Variants in TUBGCP3 observed in about 807,000 individuals in gnomAD.
TUBGCP3 encodes gamma-tubulin complex component 3.
TUBGCP3 carries 50 observed loss-of-function variants against 123.1 expected under a neutral mutation model. The ratio of observed to expected loss-of-function variants is 0.41; its 90% confidence interval spans 0.32 to 0.51. The LOEUF is 0.51. Ranked by LOEUF, TUBGCP3 falls within the 20% of genes least tolerant of loss-of-function variation. TUBGCP3 has a pLI of 0.36. For synonymous variants in TUBGCP3, 405 were observed against 413.9 expected (o/e 0.98, Z 0.26); for missense variants, 882 against 1,127.0 (o/e 0.78, Z 3.11).
At chr13:112,509,703 T>C (rs17120218) in intron 17 of TUBGCP3, among the ~76,000 whole-genome samples, 29,796 of 152,148 alleles carry the variant, frequency 0.2, 3,249 homozygotes, top group African/African-American at 0.28. Context: ...ACGCTGCTAC[T>C]GAAAAGAAAC....
intron 11 of TUBGCP3, among the ~76,000 whole-genome samples, chr13:112,534,685 A>G (rs1173786495): frequency 1.3e-5 from 2 of 152,024 alleles, no homozygotes; most frequent in Non-Finnish European, 2.9e-5. Flanking sequence ...CCTAGCAGGG[A>G]GGAAGAAGAC....
At chr13:112,567,892 G>C (rs1881079463) in intron 2 of TUBGCP3, among the ~76,000 whole-genome samples, 1 of 152,208 alleles carries the variant, frequency 6.6e-6, no homozygotes, top group African/African-American at 2.4e-5. Context: ...TTATCACTAA[G>C]ACCCAAGGCC....
chr13:112,524,682 C>A lies in TUBGCP3; in HGVS notation c.1556-2173G>T, dbSNP rs1297462283. Among the ~76,000 whole-genome samples, 1 of 152,160 alleles carries A rather than the reference C, an allele frequency of 6.6e-6. No homozygotes were observed. Among genetic ancestry groups the A allele is most frequent in the Non-Finnish European group, 1.5e-5 (1 of 68,028 alleles). On this transcript the variant is annotated intron_variant, in intron 13 of 21. Coordinates refer to ENST00000261965, the MANE Select transcript of TUBGCP3 (RefSeq NM_006322.6). This position sits in a 1 kb window ranked among gnomAD's most constrained non-coding sequence, Gnocchi z 4.4. ...CTGAATGCTTTAGGGTGAGAGGGCC[C>A]ATGGCTCTCACATGCCTGGAAAGGG...
intron 1 of TUBGCP3, among the ~76,000 whole-genome samples, chr13:112,581,982 C>G (rs375820135): frequency 1.3e-5 from 2 of 152,258 alleles, no homozygotes; most frequent in African/African-American, 2.4e-5. Flanking sequence ...TCTTACCAAC[C>G]AAATTTCCAG....
intron 19 of TUBGCP3, among the ~76,000 whole-genome samples, chr13:112,499,494 C>CA (rs1880756935): frequency 6.6e-6 from 1 of 151,970 alleles, no homozygotes; most frequent in Non-Finnish European, 1.5e-5. Flanking sequence ...CACAAGTTTA[C>CA]AAAAATGAAG....
rs1298969364 is a variant in TUBGCP3, at chr13:112,522,487, C to G, written c.1578G>C (p.Leu526Phe). Residue 526 changes from leucine (L) to phenylalanine (F), a missense_variant, in exon 14 of 22, where the codon TTG becomes TTC. Leu to Phe is a conservative substitution (Grantham distance 22, BLOSUM62 0). Coordinates refer to ENST00000261965, the MANE Select transcript of TUBGCP3 (RefSeq NM_006322.6). ...PQDAADLFTD[L>F]ENAFQGKIDA... ...CAATCTTCCCCTGAAATGCATTTTCCAAGTCTGTGAATAGGTCTGCAGCTG... is the reference window on the plus strand; with the variant it reads ...CAATCTTCCCCTGAAATGCATTTTCGAAGTCTGTGAATAGGTCTGCAGCTG... 1.2e-6 allele frequency: 2 copies of G among 1,613,292 alleles called. No homozygotes were observed. The highest frequency in any genetic ancestry group is 2.2e-5 in the East Asian group (1 of 44,894).
chr13:112,557,472 C>G (rs1880136662), intron 5 of TUBGCP3, among the ~76,000 whole-genome samples: 1 of 152,184 alleles, frequency 6.6e-6, no homozygotes, highest in African/African-American at 2.4e-5. Context: ...CACTGTTTTT[C>G]TGGAAAAATA....
At chr13:112,486,260 C>T (rs1879665449) in intron 21 of TUBGCP3, 109 bp from the exon 22 acceptor site, 1 of 1,353,386 alleles carries the variant, frequency 7.4e-7, no homozygotes, top group African/African-American at 1.5e-5. Context: ...CCTTCCAGAT[C>T]AACAGGCCCT....
intron 1 of TUBGCP3, among the ~76,000 whole-genome samples, chr13:112,585,697 G>T (rs1416462641): frequency 6.6e-6 from 1 of 152,096 alleles, no homozygotes; most frequent in Admixed American, 6.6e-5. Context: ...ACTTGAAGGA[G>T]GCAGAGGTTG....
At chr13:112,566,147 T>G (rs1594211000) in intron 2 of TUBGCP3, among the ~76,000 whole-genome samples, 1 of 152,234 alleles carries the variant, frequency 6.6e-6, no homozygotes, top group Non-Finnish European at 1.5e-5. Context: ...TTCTGTTCCA[T>G]GAAGGAGGAG....
At chr13:112,565,782 A>C (rs1295518286) in intron 2 of TUBGCP3, among the ~76,000 whole-genome samples, 1 of 152,110 alleles carries the variant, frequency 6.6e-6, no homozygotes, top group Non-Finnish European at 1.5e-5. Flanking sequence ...AAAAATACAA[A>C]AAATTAGCTG....
the TUBGCP3 span, among the ~76,000 whole-genome samples, chr13:112,598,212 T>C: frequency 6.6e-6 from 1 of 151,878 alleles, no homozygotes; most frequent in Non-Finnish European, 1.5e-5. Flanking sequence ...CCTAAATATA[T>C]TTTACAAAGA....
chr13:112,547,262 A>G (rs1879088819), intron 10 of TUBGCP3: 1 of 397,680 alleles, frequency 2.5e-6, no homozygotes, highest in African/African-American at 2.1e-5. Flanking sequence ...AGGACCACAC[A>G]AGAGAGAAAT....
At position 112,556,087 on chromosome 13, in the gene TUBGCP3, T is replaced by G. The variant is rs1448428194; in HGVS notation, c.686A>C (p.Asn229Thr). ...CCCTTCTCTCCTGGACCTTGTCATG[T>G]TGCGAGACACAGCACTGGGGACACC... Reference protein sequence around the residue: ...SKGVPSAVSRNMTRSRREGDT... With the variant: ...SKGVPSAVSRTMTRSRREGDT... The change falls in exon 6 of 22, where the codon AAC becomes ACC. Residue 229 changes from asparagine (N) to threonine (T), a missense_variant. Asn to Thr is a moderately conservative substitution (Grantham distance 65). Transcript: ENST00000261965. 6.2e-7 allele frequency: 1 copy of G among 1,614,070 alleles called. No individual in the cohort carries two copies. Among genetic ancestry groups the G allele is most frequent in the Non-Finnish European group, 8.5e-7 (1 of 1,179,964 alleles).
chr13:112,533,816 T>TTTA (rs1555340600), intron 11 of TUBGCP3, among the ~76,000 whole-genome samples: 1 of 146,948 alleles, frequency 6.8e-6, no homozygotes, highest in African/African-American at 2.6e-5. Flanking sequence ...TTTTTTTTTT[T>TTTA]AATTTTCTAT....
At chr13:112,498,531 G>T (rs932056729) in intron 20 of TUBGCP3, among the ~76,000 whole-genome samples, 1 of 152,182 alleles carries the variant, frequency 6.6e-6, no homozygotes, top group Non-Finnish European at 1.5e-5. Context: ...AAAAAGTTTC[G>T]GGTTTAGGAG....
rs905662834 is a variant in TUBGCP3 at position 112,488,064 on chromosome 13, G to A, written c.2565+1517C>T. Among the ~76,000 whole-genome samples the A allele has an allele frequency of 4.6e-5, 7 of 151,284 alleles. No individual in the cohort carries two copies. In the South Asian group the frequency reaches 6.3e-4, roughly 14 times the overall value. On this transcript the variant is annotated intron_variant, in intron 21 of 21. Transcript: ENST00000261965. ...GTAGCATCGTTTGAACCCAGGAGAC[G>A]GGGATTGCAGTGAGCCAAGATCACA...
At position 112,511,541 on chromosome 13, in the gene TUBGCP3, A is replaced by G. The variant is rs533644833; in HGVS notation, c.2086+4899T>C. 3.3e-5 allele frequency among the ~76,000 whole-genome samples: 5 copies of G among 152,210 alleles called. No individual in the cohort carries two copies. The highest frequency in any genetic ancestry group is 2.6e-4 in the Admixed American group (4 of 15,282). ...GCACAGAGCCCAGCTCCAGGATCCA[A>G]GAGGAGCTGGGGCCAGGTTTACGCA... On this transcript the variant is annotated intron_variant, in intron 17 of 21. Coordinates refer to ENST00000261965, the MANE Select transcript of TUBGCP3 (RefSeq NM_006322.6). This position sits in a 1 kb window ranked among gnomAD's most constrained non-coding sequence, Gnocchi z 4.1.
intron 11 of TUBGCP3, among the ~76,000 whole-genome samples, chr13:112,533,612 G>A (rs1877777032): frequency 6.6e-6 from 1 of 151,470 alleles, no homozygotes; most frequent in Admixed American, 6.6e-5. Context: ...TGCCTTTGTC[G>A]TCAACAGGAA....
Sources: gnomAD v4.1 joint callset for allele counts (sites outside exome capture counted in the v4.1 genomes callset) on GRCh38, gnomAD v4.1.1 for gene constraint, Gnocchi (gnomAD v3.1) non-coding constraint, MANE v1.5 for transcripts, NCBI Gene and HGNC (gene_info 2026-07-23, HGNC 2026-07-21) for gene names.